The following SEPTIN7 variants were observed in gnomAD, a reference collection of about 807,000 sequenced individuals.
The protein encoded by SEPTIN7 is septin 7, also known as septin-7.
In SEPTIN7, 10 loss-of-function variants were observed where a neutral mutation model predicts 63.3. That is an observed-to-expected ratio of 0.16 (90% CI 0.10 to 0.27). The LOEUF (loss-of-function observed/expected upper bound fraction) is 0.27. SEPTIN7 is among the 10% of genes least tolerant of loss of function. The probability of loss-of-function intolerance (pLI) is 1.00; values close to 1 mark genes in which losing one functional copy is unlikely to be tolerated. For missense variants in SEPTIN7, 310 were observed against 521.0 expected, an observed-to-expected ratio of 0.59 and a Z score of 3.94; for synonymous variants, 131 against 165.3, an observed-to-expected ratio of 0.79 and a Z score of 1.59.
chr7:35,869,391 G>A (rs1470080962), intron 4 of SEPTIN7, among the ~76,000 whole-genome samples: 1 of 152,062 alleles, frequency 6.6e-6, no homozygotes, highest in East Asian at 1.9e-4. Context: ...TTTGTCTTTT[G>A]AGCCAGTAAA....
intron 7 of SEPTIN7, among the ~76,000 whole-genome samples, chr7:35,880,179 A>ATTTTTTT (rs143904452): frequency 9.8e-6 from 1 of 102,026 alleles, no homozygotes; most frequent in Non-Finnish European, 2.1e-5. Flanking sequence ...CTTTAGAATT[A>ATTTTTTT]TTTTCTTTTT....
chr7:35,829,680 T>A (rs1456490928), intron 1 of SEPTIN7, among the ~76,000 whole-genome samples: 2 of 152,188 alleles, frequency 1.3e-5, no homozygotes, highest in African/African-American at 4.8e-5. Flanking sequence ...GATGTACCAT[T>A]TATGTAATTC....
At chr7:35,890,069 A>T (rs1787541399) in intron 10 of SEPTIN7, among the ~76,000 whole-genome samples, 1 of 152,230 alleles carries the variant, frequency 6.6e-6, no homozygotes, top group Non-Finnish European at 1.5e-5. Context: ...AATAATGATG[A>T]CATCATCTCA....
At chr7:35,839,384 G>C (rs1382256617) in intron 3 of SEPTIN7, among the ~76,000 whole-genome samples, 1 of 152,108 alleles carries the variant, frequency 6.6e-6, no homozygotes, top group Non-Finnish European at 1.5e-5. Context: ...ACATTTGAAT[G>C]ATTTGTTTTG....
At chr7:35,912,920 G>A in the SEPTIN7 span, among the ~76,000 whole-genome samples, 3 of 152,224 alleles carry the variant, frequency 2.0e-5, no homozygotes, top group African/African-American at 7.2e-5. Flanking sequence ...CTATTGCATG[G>A]CATTATTGCC....
At chr7:35,877,293 G>A (rs2116247135) in intron 6 of SEPTIN7, among the ~76,000 whole-genome samples, 1 of 152,170 alleles carries the variant, frequency 6.6e-6, no homozygotes, top group South Asian at 2.1e-4. Flanking sequence ...AGAATAGGAG[G>A]CAGCTATCTT....
chr7:35,891,240 A>G (rs1228634335), intron 11 of SEPTIN7, among the ~76,000 whole-genome samples: 1 of 152,200 alleles, frequency 6.6e-6, no homozygotes, highest in Non-Finnish European at 1.5e-5. Context: ...GCTGGTAACC[A>G]TGTCTGTGCC....
chr7:35,869,324 A>G (rs6971883), intron 4 of SEPTIN7, among the ~76,000 whole-genome samples: 4,372 of 152,254 alleles, frequency 0.029, 213 homozygotes, highest in African/African-American at 0.099. Flanking sequence ...CTGTTTTACT[A>G]TTGGTCACTT....
Position 35,885,991 on chromosome 7 carries a change from A to C in SEPTIN7, c.872+112A>C, listed in dbSNP as rs1562577955. 8.5e-6 allele frequency: 6 copies of C among 708,696 alleles called. No individual in the cohort carries two copies. The East Asian group carries it at 1.4e-4, about 16-fold the overall frequency. 43.9% of individuals were successfully genotyped at this position (708,696 alleles called of 1,614,324 possible). On this transcript the variant is annotated intron_variant, in intron 10 of 13. Coordinates refer to ENST00000350320, the MANE Select transcript of SEPTIN7 (RefSeq NM_001788.6). ...GTAGCTAATTTAAATTTATATCTTC[A>C]GTCTAGCCATGAAGTAAACACTACA...
At chr7:35,813,485 G>T (rs753340715) in intron 1 of SEPTIN7, among the ~76,000 whole-genome samples, 1 of 151,962 alleles carries the variant, frequency 6.6e-6, no homozygotes, top group African/African-American at 2.4e-5. Flanking sequence ...CCTGGGTTCA[G>T]CTGCTGGCCT....
chr7:35,803,202 G>T (rs1788111892), intron 1 of SEPTIN7: 1 of 842,570 alleles, frequency 1.2e-6, no homozygotes, highest in Non-Finnish European at 1.4e-6. Flanking sequence ...CATAATACAT[G>T]AAAGGTAGTG....
chr7:35,860,691 G>A (rs1218189040), intron 3 of SEPTIN7, among the ~76,000 whole-genome samples: 2 of 152,164 alleles, frequency 1.3e-5, no homozygotes, highest in Non-Finnish European at 2.9e-5. Flanking sequence ...GGCCTCCAAG[G>A]TTTCTGCCAA....
intron 1 of SEPTIN7, among the ~76,000 whole-genome samples, chr7:35,822,438 T>C (rs1789482715): frequency 6.6e-6 from 1 of 152,140 alleles, no homozygotes; most frequent in African/African-American, 2.4e-5. Flanking sequence ...TGACAGATCA[T>C]CAGGCATTAG....
intron 12 of SEPTIN7, chr7:35,900,674 T>G (rs1170689106): frequency 6.6e-6 from 1 of 152,224 alleles, no homozygotes. Flanking sequence ...AACTTATATT[T>G]GAGGCAGATG....
In SEPTIN7 at chr7:35,801,397, G is replaced by A; in HGVS notation, c.61+127G>A. ...CGGAGGCAGCGGCGAGGGGAGCCGG[G>A]ATGGGGGCCACTGCGGGCCCGGGGC... On this transcript the variant is annotated intron_variant, in intron 1 of 13. Coordinates refer to ENST00000350320, the MANE Select transcript of SEPTIN7 (RefSeq NM_001788.6). The A allele has an allele frequency of 6.0e-5, 74 of 1,231,300 alleles. No individual in the cohort carries two copies. In the South Asian group the frequency reaches 6.4e-4, roughly 11 times the overall value. 76.3% of individuals were successfully genotyped at this position (1,231,300 alleles called of 1,614,324 possible). A position where few individuals can be genotyped will look rare whatever the true frequency, so the allele number is the denominator to read the frequency against.
intron 11 of SEPTIN7, among the ~76,000 whole-genome samples, chr7:35,897,567 A>G (rs1459063976): frequency 6.6e-6 from 1 of 152,096 alleles, no homozygotes; most frequent in Non-Finnish European, 1.5e-5. Flanking sequence ...AAAAATAATT[A>G]TTAACAAAAT....
intron 3 of SEPTIN7, among the ~76,000 whole-genome samples, chr7:35,849,465 C>T (rs1355997787): frequency 6.6e-6 from 1 of 152,114 alleles, no homozygotes; most frequent in Non-Finnish European, 1.5e-5. Flanking sequence ...TGACAGGAGG[C>T]GGAGCTCTGG....
At chr7:35,874,543 T>C (rs1214472353) in intron 6 of SEPTIN7, among the ~76,000 whole-genome samples, 1 of 152,122 alleles carries the variant, frequency 6.6e-6, no homozygotes, top group African/African-American at 2.4e-5. Flanking sequence ...AACTCCACCA[T>C]CTCTCCACCA....
intron 1 of SEPTIN7, among the ~76,000 whole-genome samples, chr7:35,823,239 T>C (rs1327498020): frequency 6.6e-6 from 1 of 152,228 alleles, no homozygotes; most frequent in African/African-American, 2.4e-5. Context: ...TTCGCTCTTG[T>C]TGCCCAGGCT....
Sources: allele counts gnomAD v4.1 joint callset (sites outside exome capture counted in the v4.1 genomes callset), GRCh38; gene constraint gnomAD v4.1.1; transcripts MANE v1.5; gene names NCBI Gene and HGNC (gene_info 2026-07-23, HGNC 2026-07-21).